Variants in RBFOX3 observed in about 807,000 individuals in gnomAD.
RBFOX3 encodes the protein RNA binding protein fox-1 homolog 3.
A neutral mutation model predicts 48.7 loss-of-function variants in RBFOX3; 17 were observed. That is an observed-to-expected ratio of 0.35 (90% confidence interval 0.24 to 0.52). RBFOX3 has a LOEUF of 0.52. Ranked by LOEUF, RBFOX3 falls within the 20% of genes least tolerant of loss-of-function variation. The probability of loss-of-function intolerance (pLI) is 0.94; values close to 1 mark genes in which losing one functional copy is unlikely to be tolerated. For missense variants in RBFOX3, 382 were observed against 497.5 expected (o/e 0.77, Z 2.21); for synonymous variants, 212 against 209.5 (o/e 1.01, Z -0.10).
rs753064217 is a variant in RBFOX3 at position 79,299,504 on chromosome 17, G to A, written c.-74+8220C>T. Among the ~76,000 whole-genome samples, 1 of 152,204 alleles carries A rather than the reference G, an allele frequency of 6.6e-6. No homozygotes were observed. The highest frequency in any genetic ancestry group is 1.5e-5 in the Non-Finnish European group (1 of 68,038). ...TTTTCGTGGCATCTACATTGTATGA[G>A]GCCTTGTGCGTCACCTAGAGGTGAT... On this transcript the variant is annotated intron_variant, in intron 3 of 14. Transcript: ENST00000693108. The surrounding 1 kb of genome is among the most constrained non-coding windows in gnomAD (Gnocchi z 4.5).
chr17:79,172,761 C>T (rs80193420), intron 4 of RBFOX3, among the ~76,000 whole-genome samples: 16,588 of 152,276 alleles, frequency 0.11, 1,022 homozygotes, highest in Non-Finnish European at 0.15. Context: ...GTAAAATCTA[C>T]ACCCAATCTC....
At chr17:79,371,212 T>C (rs1021303816) in intron 2 of RBFOX3, among the ~76,000 whole-genome samples, 5 of 152,230 alleles carry the variant, frequency 3.3e-5, no homozygotes, top group African/African-American at 1.2e-4. Context: ...GTTGCCTCCA[T>C]GGGGCAGATT....
chr17:79,259,271 C>A (rs967349697), intron 3 of RBFOX3, among the ~76,000 whole-genome samples: 1 of 152,294 alleles, frequency 6.6e-6, no homozygotes, highest in East Asian at 1.9e-4. Flanking sequence ...GTCCTCGGGT[C>A]GAGGGTGGAG....
intron 3 of RBFOX3, among the ~76,000 whole-genome samples, chr17:79,245,544 TC>T: frequency 6.7e-6 from 1 of 149,350 alleles, no homozygotes; most frequent in African/African-American, 2.6e-5. Context: ...GCTCACCCCC[TC>T]AGTCCTTTGT....
intron 3 of RBFOX3, among the ~76,000 whole-genome samples, chr17:79,286,043 A>G (rs2071792377): frequency 6.6e-6 from 1 of 152,200 alleles, no homozygotes; most frequent in Non-Finnish European, 1.5e-5. Flanking sequence ...AATGGGCAGA[A>G]TGGCTGCTGG....
intron 2 of RBFOX3, among the ~76,000 whole-genome samples, chr17:79,324,875 T>C (rs1018709426): frequency 1.3e-5 from 2 of 152,186 alleles, no homozygotes; most frequent in South Asian, 2.1e-4. Context: ...TGAAGAGCCA[T>C]GAAATATTGC....
intron 4 of RBFOX3, among the ~76,000 whole-genome samples, chr17:79,193,450 G>A (rs573762864): frequency 1.0e-3 from 157 of 151,826 alleles, no homozygotes; most frequent in Non-Finnish European, 1.3e-3. Flanking sequence ...ACCTCCCCCC[G>A]CCAACCCCCT....
intron 3 of RBFOX3, among the ~76,000 whole-genome samples, chr17:79,244,665 C>T (rs182767573): frequency 6.6e-6 from 1 of 152,202 alleles, no homozygotes; most frequent in Non-Finnish European, 1.5e-5. Flanking sequence ...TTCCTGACCA[C>T]ACAAACACTG....
At chr17:79,575,789 C>T (rs978255160) in intron 1 of RBFOX3, among the ~76,000 whole-genome samples, 1 of 152,214 alleles carries the variant, frequency 6.6e-6, no homozygotes, top group East Asian at 1.9e-4. Flanking sequence ...CTAGGCCCAA[C>T]ACATGCTATT....
At position 79,319,079 on chromosome 17, in the gene RBFOX3, G is replaced by A. The variant is rs570678143; in HGVS notation, c.-174-11255C>T. 1.9e-3 allele frequency among the ~76,000 whole-genome samples: 283 copies of A among 152,112 alleles called. 1 individual carries two copies. The highest frequency in any genetic ancestry group is 0.013 in the South Asian group (62 of 4,810). On this transcript the variant is annotated intron_variant, in intron 2 of 14. Coordinates refer to ENST00000693108, the MANE Select transcript of RBFOX3 (RefSeq NM_001350451.2). ...AAGGAGGGAAGACATGAGGGTGGGC[G>A]GAGGGAAAGGAAGCCAGCACCGGAT...
chr17:79,260,912 C>T (rs2065653134), intron 3 of RBFOX3, among the ~76,000 whole-genome samples: 1 of 152,158 alleles, frequency 6.6e-6, no homozygotes, highest in Non-Finnish European at 1.5e-5. Context: ...TCCTCACTGG[C>T]CCTGGCACCT....
At chr17:79,102,326 G>A (rs72853380) in intron 8 of RBFOX3, among the ~76,000 whole-genome samples, 1 of 152,342 alleles carries the variant, frequency 6.6e-6, no homozygotes, top group Non-Finnish European at 1.5e-5. Flanking sequence ...GGGCTGTTCT[G>A]CCTCCCCTGC....
At chr17:79,230,646 C>A (rs958324036) in intron 4 of RBFOX3, among the ~76,000 whole-genome samples, 3 of 152,188 alleles carry the variant, frequency 2.0e-5, no homozygotes, top group Non-Finnish European at 4.4e-5. Context: ...GTTCCGGCTC[C>A]TGCAGAGCCC....
chr17:79,546,189 G>T, intron 1 of RBFOX3, among the ~76,000 whole-genome samples: 1 of 152,112 alleles, frequency 6.6e-6, no homozygotes, highest in Non-Finnish European at 1.5e-5. Context: ...CACCACTGAT[G>T]AACGACAACC....
At chr17:79,661,565 C>T in the RBFOX3 span, among the ~76,000 whole-genome samples, 1 of 152,226 alleles carries the variant, frequency 6.6e-6, no homozygotes, top group Non-Finnish European at 1.5e-5. Flanking sequence ...TGGTCACACT[C>T]ATGCACACAT....
chr17:79,527,719 C>T (rs944830771), intron 1 of RBFOX3, among the ~76,000 whole-genome samples: 1 of 152,210 alleles, frequency 6.6e-6, no homozygotes, highest in African/African-American at 2.4e-5. Flanking sequence ...TGAGGGGATG[C>T]GGTACAGGCA....
intron 13 of RBFOX3, among the ~76,000 whole-genome samples, chr17:79,095,095 G>A (rs900816902): frequency 6.6e-6 from 1 of 152,152 alleles, no homozygotes; most frequent in African/African-American, 2.4e-5. Context: ...AGGAGGGAGG[G>A]GGTACAAGCG....
chr17:79,660,655 G>A, the RBFOX3 span, among the ~76,000 whole-genome samples: 39 of 152,210 alleles, frequency 2.6e-4, no homozygotes, highest in Non-Finnish European at 5.1e-4. Flanking sequence ...AGATGCTGGC[G>A]AGGTTATGGA....
At chr17:79,121,897 G>A (rs1270812878) in intron 4 of RBFOX3, among the ~76,000 whole-genome samples, 1 of 151,960 alleles carries the variant, frequency 6.6e-6, no homozygotes, top group Non-Finnish European at 1.5e-5. Context: ...TCTCCATCCT[G>A]GACTTCTCCC....
Sources: allele counts gnomAD v4.1 joint callset (sites outside exome capture counted in the v4.1 genomes callset), GRCh38; gene constraint gnomAD v4.1.1; non-coding constraint Gnocchi (gnomAD v3.1); transcripts MANE v1.5; gene names NCBI Gene and HGNC (gene_info 2026-07-23, HGNC 2026-07-21).